FBXO27: variants seen among roughly 807,000 people sequenced by gnomAD.
FBXO27 encodes F-box only protein 27.
A neutral mutation model predicts 28.3 loss-of-function variants in FBXO27; 28 were observed. That is an observed-to-expected ratio of 0.99 (90% confidence interval 0.73 to 1.36). The LOEUF is 1.36. FBXO27 is among the 40% of genes most tolerant of loss of function. FBXO27 has a pLI of 0.00. For synonymous variants in FBXO27, 175 were observed against 167.3 expected, an observed-to-expected ratio of 1.05 and a Z score of -0.36; for missense variants, 388 against 394.1, an observed-to-expected ratio of 0.98 and a Z score of 0.13.
intron 2 of FBXO27, 50 bp from the exon 3 acceptor site, chr19:39,031,370 G>C: frequency 6.3e-7 from 1 of 1,575,190 alleles, no homozygotes; most frequent in Non-Finnish European, 8.7e-7. Flanking sequence ...CCGCCTGTTG[G>C]TTCCTAGTGA....
At chr19:39,019,442 A>C, downstream of FBXO27, among the ~76,000 whole-genome samples, 1 of 64,414 alleles carries the variant, frequency 1.6e-5, no homozygotes, top group Non-Finnish European at 3.3e-5. Context: ...AAAAAAAAAA[A>C]AAAAAAAAAA....
intron 2 of FBXO27, among the ~76,000 whole-genome samples, chr19:39,008,903 C>T (rs2072782349): frequency 6.6e-6 from 1 of 152,208 alleles, no homozygotes; most frequent in African/African-American, 2.4e-5. Context: ...TCACCACAAC[C>T]TCTGCCTCCC....
intron 5 of FBXO27, 130 bp downstream of exon 5, chr19:39,026,740 G>A: frequency 7.2e-7 from 1 of 1,381,800 alleles, no homozygotes; most frequent in South Asian, 1.3e-5. Context: ...CCAAAGTGCT[G>A]GGATTACAGG....
chr19:39,024,137 C>T lies in FBXO27; in HGVS notation c.*1274G>A, dbSNP rs578000151. 5.9e-5 allele frequency: 9 copies of T among 152,120 alleles called. No homozygotes were observed. Among genetic ancestry groups the T allele is most frequent in the African/African-American group, 1.9e-4 (8 of 41,502 alleles). The allele number at this position is 152,120 out of a possible 1,614,324, so 9.4% of individuals were successfully genotyped here. A position where few individuals can be genotyped will look rare whatever the true frequency, so the allele number is the denominator to read the frequency against. ...AATAATGTTATTTTAATTTTAAATA[C>T]CACACAATTACAGGTCCTTGAGGAT... On this transcript the variant is annotated 3_prime_UTR_variant, in exon 6 of 6. Coordinates refer to ENST00000292853, the MANE Select transcript of FBXO27 (RefSeq NM_178820.5).
intron 4 of FBXO27, among the ~76,000 whole-genome samples, chr19:39,029,791 CT>C (rs1332995800): frequency 6.6e-6 from 1 of 152,136 alleles, no homozygotes; most frequent in African/African-American, 2.4e-5. Flanking sequence ...GACTCTGAGC[CT>C]TATGCCAGGT....
intron 4 of FBXO27, among the ~76,000 whole-genome samples, chr19:39,028,998 C>T (rs530117253): frequency 9.0e-5 from 13 of 144,998 alleles, no homozygotes; most frequent in African/African-American, 3.1e-4. Flanking sequence ...GCCGAGATCA[C>T]GCCACTGCAC....
rs2072866751 is a variant in FBXO27 at position 39,025,361 on chromosome 19, A to AG, written c.*49dup. ...ATGAGGGGTCCCAGCCAATGGTCCC[A>AG]GGCCCTGGAAGGCACAGTCAGGCTG... On this transcript the variant is annotated 3_prime_UTR_variant, in exon 6 of 6. Transcript: ENST00000292853. 62 of 1,583,366 alleles carry AG rather than the reference A, an allele frequency of 3.9e-5. 1 individual carries two copies. In the South Asian group the frequency reaches 5.8e-4, roughly 15 times the overall value.
chr19:39,032,410 A>C lies in FBXO27; in HGVS notation c.-27+93T>G. 1.2e-6 allele frequency: 1 copy of C among 868,186 alleles called. No homozygotes were observed. The highest frequency in any genetic ancestry group is 1.6e-6 in the Non-Finnish European group (1 of 620,460). The allele number at this position is 868,186 out of a possible 1,614,324, so 53.8% of individuals were successfully genotyped here. ...CCAGCCCGTCCTTGATAGCCCCGAT[A>C]TCCCGGAGACCCCGCGGTCTGTGTG... On this transcript the variant is annotated intron_variant, in intron 1 of 5. Transcript: ENST00000292853. The surrounding 1 kb of genome is among the most constrained non-coding windows in gnomAD (Gnocchi z 4.7).
chr19:39,020,469 A>T (rs2072839982), downstream of FBXO27, among the ~76,000 whole-genome samples: 1 of 151,992 alleles, frequency 6.6e-6, no homozygotes, highest in South Asian at 2.1e-4. Flanking sequence ...AGCATCTCTA[A>T]TTCAGCCTCT....
intron 4 of FBXO27, among the ~76,000 whole-genome samples, chr19:39,028,815 ATTGTG>A: frequency 6.6e-6 from 1 of 152,108 alleles, no homozygotes; most frequent in African/African-American, 2.4e-5. Flanking sequence ...GTGAGCTGAG[ATTGTG>A]CCATTGCACT....
intron 5 of FBXO27, 41 bp from the exon 6 acceptor site, chr19:39,025,595 C>A (rs1463826951): frequency 6.3e-7 from 1 of 1,587,282 alleles, no homozygotes; most frequent in South Asian, 1.1e-5. Flanking sequence ...GTGCCACAGC[C>A]TCCCCTCCAA....
intron 2 of FBXO27, among the ~76,000 whole-genome samples, chr19:39,012,535 A>G (rs1204408445): frequency 6.6e-6 from 1 of 152,254 alleles, no homozygotes; most frequent in Non-Finnish European, 1.5e-5. Context: ...TGGATACAAA[A>G]GGGATGGAAG....
In FBXO27 at chr19:39,025,279, T is replaced by C. The variant is rs573906344; in HGVS notation, c.*132A>G. 1.8e-5 allele frequency: 23 copies of C among 1,286,648 alleles called. No individual in the cohort carries two copies. The Admixed American group carries it at 2.8e-4, about 16-fold the overall frequency. The allele number at this position is 1,286,648 out of a possible 1,614,324, so 79.7% of individuals were successfully genotyped here. ...CTGAAGACAGGGCCCGTCAGGGCCT[T>C]TGATTGGACCCAGGAATTCTCAGTA... is the stretch of plus-strand genomic sequence containing the variant. On this transcript the variant is annotated 3_prime_UTR_variant, in exon 6 of 6. Coordinates refer to ENST00000292853, the MANE Select transcript of FBXO27 (RefSeq NM_178820.5).
intron 4 of FBXO27, 52 bp from the exon 5 acceptor site, chr19:39,027,057 G>A: frequency 6.2e-7 from 1 of 1,609,028 alleles, no homozygotes; most frequent in South Asian, 1.1e-5. Context: ...ATCTCTTTGG[G>A]TGTCTGCCTA....
intron 5 of FBXO27, 95 bp downstream of exon 5, chr19:39,026,775 C>A: frequency 1.3e-6 from 2 of 1,564,158 alleles, no homozygotes; most frequent in East Asian, 2.3e-5. Flanking sequence ...CCCAGCCAGA[C>A]TGTCACTGAT....
intron 2 of FBXO27, among the ~76,000 whole-genome samples, chr19:39,011,827 CTTTTT>C (rs71167612): frequency 1.6e-5 from 2 of 123,766 alleles, no homozygotes; most frequent in Non-Finnish European, 3.2e-5. Context: ...ATTTTCTTTT[CTTTTT>C]TTTTTTTTTT....
intron 4 of FBXO27, among the ~76,000 whole-genome samples, chr19:39,029,174 C>T (rs2072888967): frequency 6.6e-6 from 1 of 151,554 alleles, no homozygotes; most frequent in Non-Finnish European, 1.5e-5. Context: ...GCCTGTAATC[C>T]CGGCACTTTA....
intron 4 of FBXO27, among the ~76,000 whole-genome samples, chr19:39,030,129 A>C (rs1181574197): frequency 6.6e-6 from 1 of 152,108 alleles, no homozygotes; most frequent in Non-Finnish European, 1.5e-5. Context: ...GGCATGAGCC[A>C]CCGTGCCCAG....
At position 39,031,196 on chromosome 19, in the gene FBXO27, C is replaced by T; in HGVS notation, c.476+13G>A. 1 of 1,613,896 alleles carries T rather than the reference C, an allele frequency of 6.2e-7. No homozygotes were observed. The highest frequency in any genetic ancestry group is 8.5e-7 in the Non-Finnish European group (1 of 1,179,770). ...AACAAGGGGCCGGACCTTTGGATAGCAGGGGCATTCACCTGAATGAAGTCA... is the reference window on the plus strand; with the variant it reads ...AACAAGGGGCCGGACCTTTGGATAGTAGGGGCATTCACCTGAATGAAGTCA... On this transcript the variant is annotated intron_variant, in intron 3 of 5. Coordinates refer to ENST00000292853, the MANE Select transcript of FBXO27 (RefSeq NM_178820.5).
Sources: gnomAD v4.1 joint callset for allele counts (sites outside exome capture counted in the v4.1 genomes callset) on GRCh38, gnomAD v4.1.1 for gene constraint, Gnocchi (gnomAD v3.1) non-coding constraint, MANE v1.5 for transcripts, NCBI Gene and HGNC (gene_info 2026-07-23, HGNC 2026-07-21) for gene names.